The following GSG1L variants were observed in gnomAD, a reference collection of about 807,000 sequenced individuals.
GSG1L encodes GSG1 like.
A neutral mutation model predicts 42.1 loss-of-function variants in GSG1L; 24 were observed. The observed-to-expected ratio is 0.57, with a 90% CI of 0.41 to 0.80. GSG1L has a LOEUF of 0.80. Among genes scored for constraint, GSG1L ranks in the 30% least tolerant of loss-of-function variants. The pLI is 0.00. For synonymous variants in GSG1L, 215 were observed against 203.5 expected (o/e 1.06, Z -0.48); for missense variants, 445 against 472.2 (o/e 0.94, Z 0.53).
intron 1 of GSG1L, among the ~76,000 whole-genome samples, chr16:28,044,684 C>G (rs541026786): frequency 6.8e-6 from 1 of 146,536 alleles, no homozygotes; most frequent in Admixed American, 7.0e-5. Flanking sequence ...AGTGCAGTGG[C>G]ACGATCTCGG....
intron 1 of GSG1L, among the ~76,000 whole-genome samples, chr16:28,047,746 C>T (rs769867775): frequency 9.9e-5 from 15 of 152,056 alleles, no homozygotes; most frequent in South Asian, 2.1e-4. Flanking sequence ...TCCACAATTC[C>T]GCAATGAAAA....
chr16:28,018,298 C>G (rs745930149), intron 1 of GSG1L, among the ~76,000 whole-genome samples: 14 of 152,214 alleles, frequency 9.2e-5, no homozygotes, highest in Non-Finnish European at 2.1e-4. Flanking sequence ...AAAGATTGAT[C>G]CAGTTGCTCA....
intron 1 of GSG1L, among the ~76,000 whole-genome samples, chr16:28,052,791 T>C (rs1293072725): frequency 6.6e-6 from 1 of 152,212 alleles, no homozygotes; most frequent in Non-Finnish European, 1.5e-5. Flanking sequence ...AGAAAACAGA[T>C]GATTAGGTAG....
At chr16:27,862,159 T>C (rs1447893808) in intron 3 of GSG1L, among the ~76,000 whole-genome samples, 2 of 152,176 alleles carry the variant, frequency 1.3e-5, no homozygotes, top group African/African-American at 4.8e-5. Context: ...GCAGTGGTAA[T>C]AGGATGTACG....
chr16:27,827,923 A>AACACAC (rs374102333), intron 5 of GSG1L, among the ~76,000 whole-genome samples: 3 of 87,278 alleles, frequency 3.4e-5, no homozygotes, highest in African/African-American at 7.3e-5. Context: ...CCCATCCACC[A>AACACAC]CTCATCCATC....
chr16:27,943,383 A>C (rs1159979873), intron 2 of GSG1L, among the ~76,000 whole-genome samples: 1 of 152,012 alleles, frequency 6.6e-6, no homozygotes, highest in Non-Finnish European at 1.5e-5. Context: ...ATACAGCAGA[A>C]TATTACATAA....
intron 2 of GSG1L, among the ~76,000 whole-genome samples, chr16:27,941,797 C>A (rs748040903): frequency 4.6e-5 from 7 of 151,918 alleles, no homozygotes; most frequent in Non-Finnish European, 8.8e-5. Context: ...AATTCTCACA[C>A]GTGCTGCACC....
chr16:27,922,112 C>T, intron 2 of GSG1L, among the ~76,000 whole-genome samples: 1 of 151,472 alleles, frequency 6.6e-6, no homozygotes, highest in Non-Finnish European at 1.5e-5. Flanking sequence ...TCTGACCATG[C>T]ACATGTGCCT....
At chr16:27,949,394 G>A (rs774291613) in intron 2 of GSG1L, among the ~76,000 whole-genome samples, 2 of 152,162 alleles carry the variant, frequency 1.3e-5, no homozygotes, top group African/African-American at 4.8e-5. Context: ...TATGGCACAC[G>A]GCCGAAATTG....
At chr16:28,016,088 C>T (rs1269732532) in intron 1 of GSG1L, among the ~76,000 whole-genome samples, 1 of 152,164 alleles carries the variant, frequency 6.6e-6, no homozygotes, top group Non-Finnish European at 1.5e-5. Context: ...CCTCCAGGCT[C>T]AAGTGATTTT....
At chr16:28,027,518 G>C (rs748664955) in intron 1 of GSG1L, among the ~76,000 whole-genome samples, 5 of 152,100 alleles carry the variant, frequency 3.3e-5, no homozygotes, top group Non-Finnish European at 7.4e-5. Context: ...CAATGCAGTG[G>C]CCACTAGTCA....
intron 2 of GSG1L, among the ~76,000 whole-genome samples, chr16:27,918,755 G>C (rs781480387): frequency 6.6e-6 from 1 of 152,204 alleles, no homozygotes; most frequent in African/African-American, 2.4e-5. Flanking sequence ...TGGGCAGGAA[G>C]AATCTTTGTA....
chr16:27,906,331 G>T lies in GSG1L; in HGVS notation c.398-21693C>A, dbSNP rs368517110. Among the ~76,000 whole-genome samples the T allele has an allele frequency of 8.5e-5, 13 of 152,152 alleles. No homozygotes were observed. In the East Asian group the frequency reaches 1.9e-3, roughly 23 times the overall value. On this transcript the variant is annotated intron_variant, in intron 2 of 6. Coordinates refer to ENST00000447459, the MANE Select transcript of GSG1L (RefSeq NM_001109763.2). ...TAGTAGAAGATAGCGACGGGAGGGT[G>T]GGTTTCCCTGGCGGAAACATTTACA...
chr16:27,893,269 A>C (rs1311861385), intron 2 of GSG1L, among the ~76,000 whole-genome samples: 1 of 152,104 alleles, frequency 6.6e-6, no homozygotes, highest in Non-Finnish European at 1.5e-5. Context: ...CATTGCTGGG[A>C]TTGATGGGTT....
chr16:27,823,850 T>C (rs2083176207), intron 5 of GSG1L: 1 of 702,940 alleles, frequency 1.4e-6, no homozygotes, highest in Non-Finnish European at 2.6e-6. Context: ...AAATCCCAGC[T>C]CTGGCACTTA....
In GSG1L at chr16:28,063,310, C is replaced by G; in HGVS notation, c.115G>C (p.Val39Leu). The change falls in exon 1 of 7, where the codon GTC (valine) becomes CTC (leucine). Residue 39 changes from valine to leucine, a missense_variant. By Grantham distance (32) the Val-to-Leu change is conservative (BLOSUM62 1). Around this residue, in one of 3 missense-constraint regions of GSG1L, gnomAD observed 156 missense variants for 128.3 expected, o/e 1.22. Transcript: ENST00000447459. The surrounding 1 kb of genome is among the most constrained non-coding windows in gnomAD (Gnocchi z 5.8). ...CCCTGGCCGCAGCCCGGCTTGGGGA[C>G]CCGCTGCGTGCCCTGGCACCAGTGC... is the stretch of plus-strand genomic sequence containing the variant. ...TTHWCQGTQR[V>L]PKPGCGQGGR... 7.2e-7 allele frequency: 1 copy of G among 1,393,474 alleles called. No homozygotes were observed. Among genetic ancestry groups the G allele is most frequent in the Non-Finnish European group, 9.4e-7 (1 of 1,065,590 alleles). 86.3% of individuals were successfully genotyped at this position (1,393,474 alleles called of 1,614,324 possible).
chr16:28,063,452 C>G lies in GSG1L; in HGVS notation c.-28G>C, dbSNP rs2086369873. 2 of 1,162,602 alleles carry G rather than the reference C, an allele frequency of 1.7e-6. No individual in the cohort carries two copies. The highest frequency in any genetic ancestry group is 2.1e-6 in the Non-Finnish European group (2 of 941,838). The allele number at this position is 1,162,602 out of a possible 1,614,324, so 72.0% of individuals were successfully genotyped here. ...CGCCCGCGCCGCCGGGACGGGACTG[C>G]ACCGCCGGGGAGCTCCGCGCGCGAA... On this transcript the variant is annotated 5_prime_UTR_variant, in exon 1 of 7. Transcript: ENST00000447459. The surrounding 1 kb of genome is among the most constrained non-coding windows in gnomAD (Gnocchi z 5.8).
At chr16:27,800,977 T>G (rs960365500) in intron 6 of GSG1L, among the ~76,000 whole-genome samples, 2 of 151,410 alleles carry the variant, frequency 1.3e-5, no homozygotes, top group Non-Finnish European at 2.9e-5. Context: ...TGGGGATGAC[T>G]GGGGAAGCTG....
At chr16:27,903,924 A>T (rs1210137593) in intron 2 of GSG1L, among the ~76,000 whole-genome samples, 3 of 151,374 alleles carry the variant, frequency 2.0e-5, no homozygotes, top group African/African-American at 7.3e-5. Flanking sequence ...CTCACTTTCG[A>T]CCCTGTCTTC....
Sources: gnomAD v4.1 joint callset for allele counts (sites outside exome capture counted in the v4.1 genomes callset) on GRCh38, gnomAD v4.1.1 for gene constraint, gnomAD v4.1.1 regional missense constraint, Gnocchi (gnomAD v3.1) non-coding constraint, MANE v1.5 for transcripts, NCBI Gene and HGNC (gene_info 2026-07-23, HGNC 2026-07-21) for gene names.